Variants in ZNF532 observed in about 807,000 individuals in gnomAD.
The protein encoded by ZNF532 is zinc finger protein 532.
Under a neutral mutation model 89.3 loss-of-function variants are expected in ZNF532, and 22 were observed. The observed-to-expected ratio is 0.25, with a 90% CI of 0.18 to 0.35. ZNF532 has a LOEUF of 0.35. Ranked by LOEUF, ZNF532 falls within the 10% of genes least tolerant of loss-of-function variation. The pLI is 1.00. For synonymous variants in ZNF532, 606 were observed against 649.6 expected, an observed-to-expected ratio of 0.93 and a Z score of 1.02; for missense variants, 1,132 against 1,643.4, an observed-to-expected ratio of 0.69 and a Z score of 5.38.
intron 5 of ZNF532, among the ~76,000 whole-genome samples, chr18:58,940,731 C>G (rs1186416543): frequency 6.6e-6 from 1 of 152,140 alleles, no homozygotes; most frequent in Non-Finnish European, 1.5e-5. Flanking sequence ...TGTCTTCGCT[C>G]CCTCCTTGTG....
intron 2 of ZNF532, among the ~76,000 whole-genome samples, chr18:58,866,668 T>C (rs757656584): frequency 5.3e-5 from 8 of 152,194 alleles, no homozygotes; most frequent in Non-Finnish European, 1.0e-4. Context: ...GTGCCGAGGA[T>C]CTTGGAATTG....
chr18:58,918,214 A>T, intron 2 of ZNF532, 57 bp from the exon 3 acceptor site: 1 of 1,478,632 alleles, frequency 6.8e-7, no homozygotes, highest in Admixed American at 1.9e-5. Flanking sequence ...TAGGGGTTTT[A>T]TCTCATCGTG....
chr18:58,884,989 T>C (rs1568236121), intron 2 of ZNF532, among the ~76,000 whole-genome samples: 1 of 151,572 alleles, frequency 6.6e-6, no homozygotes, highest in Non-Finnish European at 1.5e-5. Flanking sequence ...GTTTTTTTTT[T>C]TTTTTCTTTT....
chr18:58,876,967 A>T (rs2057479057), intron 2 of ZNF532, among the ~76,000 whole-genome samples: 1 of 152,108 alleles, frequency 6.6e-6, no homozygotes, highest in South Asian at 2.1e-4. Flanking sequence ...GACTGAGGCA[A>T]GAGGATCACT....
chr18:58,880,768 G>GTGTGTGTGTGTGTGTGTGTGTGTA (rs1568227586), intron 2 of ZNF532, among the ~76,000 whole-genome samples: 1 of 145,306 alleles, frequency 6.9e-6, no homozygotes, highest in African/African-American at 2.7e-5. Context: ...GCGCACGCGC[G>GTGTGTGTGTGTGTGTGTGTGTGTA]CGCGTCTGTG....
chr18:58,983,954 G>C lies in ZNF532; in HGVS notation c.3412-18G>C. On this transcript the variant is annotated intron_variant, in intron 9 of 9. Transcript: ENST00000591808. ...AGGATGGTTTTCAGTCGTGTCATTT[G>C]CTTTCTTTCCCTGAAAGGTCCCCAG... is the stretch of plus-strand genomic sequence containing the variant. The C allele has an allele frequency of 1.9e-6, 3 of 1,592,760 alleles. No individual in the cohort carries two copies. The highest frequency in any genetic ancestry group is 2.6e-6 in the Non-Finnish European group (3 of 1,169,750).
intron 2 of ZNF532, among the ~76,000 whole-genome samples, chr18:58,897,247 C>CT (rs759929779): frequency 3.9e-5 from 6 of 152,246 alleles, no homozygotes; most frequent in Non-Finnish European, 7.3e-5. Flanking sequence ...AGTTTTGTAG[C>CT]TTTTTGGAAT....
chr18:58,952,150 T>C (rs1035203373), intron 6 of ZNF532, among the ~76,000 whole-genome samples: 1 of 152,202 alleles, frequency 6.6e-6, no homozygotes, highest in African/African-American at 2.4e-5. Flanking sequence ...AGGAATGGCT[T>C]CTTTCTTAAA....
At chr18:58,982,619 C>G (rs1348442364) in intron 9 of ZNF532, among the ~76,000 whole-genome samples, 3 of 151,786 alleles carry the variant, frequency 2.0e-5, no homozygotes, top group Non-Finnish European at 2.9e-5. Context: ...GAGACTCTGT[C>G]TCCACCCCCC....
At chr18:58,864,733 C>T (rs1338691957), upstream of ZNF532, 1 of 152,158 alleles carries the variant, frequency 6.6e-6, no homozygotes, top group African/African-American at 2.4e-5. Context: ...CCAGCGAGAT[C>T]CCCCCTGTGC....
At position 58,919,866 on chromosome 18, in the gene ZNF532, C is replaced by G. The variant is rs1568323200; in HGVS notation, c.1579C>G (p.Leu527Val). The G allele has an allele frequency of 6.2e-7, 1 of 1,614,030 alleles. No individual in the cohort carries two copies. The change falls in exon 3 of 10, where the codon CTT becomes GTT. Residue 527 changes from leucine to valine, a missense_variant. Coordinates refer to ENST00000591808, the MANE Select transcript of ZNF532 (RefSeq NM_001375912.1). The surrounding 1 kb of genome is among the most constrained non-coding windows in gnomAD (Gnocchi z 6.1). ...LVPKTVHLAN[L>V]NLLPQGAQAT... ...GCCAAAGACTGTGCACCTTGCCAAC[C>G]TTAACCTTTTGCCTCAGGGTGCCCA...
rs2060921445 is a variant in ZNF532, at chr18:58,920,168, T to C, written c.1881T>C (p.Leu627=). 1.2e-6 allele frequency: 2 copies of C among 1,613,744 alleles called. No individual in the cohort carries two copies. The highest frequency in any genetic ancestry group is 1.7e-6 in the Non-Finnish European group (2 of 1,179,802). ...KCLECGDSFA[L]EKSLTQHYDR... Reference sequence around the variant, plus strand: ...TGGAGTGTGGGGACTCCTTTGCACTTGAAAAGAGTCTGACCCAGCACTACG... The same window carrying C: ...TGGAGTGTGGGGACTCCTTTGCACTCGAAAAGAGTCTGACCCAGCACTACG... Residue 627 remains leucine (L), a synonymous_variant, in exon 3 of 10, where the codon CTT becomes CTC. Transcript: ENST00000591808.
At chr18:58,930,268 C>G (rs755390744) in intron 3 of ZNF532, among the ~76,000 whole-genome samples, 68 of 152,248 alleles carry the variant, frequency 4.5e-4, no homozygotes, top group African/African-American at 1.5e-3. Context: ...ACCTGGTTCC[C>G]CCTTCCCTGT....
intron 3 of ZNF532, 68 bp downstream of exon 3, chr18:58,920,701 C>A: frequency 7.3e-7 from 1 of 1,370,706 alleles, no homozygotes; most frequent in Non-Finnish European, 9.9e-7. Context: ...GATAAGATGC[C>A]CTTGATTTTA....
intron 6 of ZNF532, among the ~76,000 whole-genome samples, chr18:58,949,087 A>G (rs910237717): frequency 6.6e-6 from 1 of 151,380 alleles, no homozygotes; most frequent in Admixed American, 6.6e-5. Flanking sequence ...TATCTAGGAT[A>G]TAGTATGGTA....
chr18:58,936,338 TAGAA>T (rs1478556106), intron 4 of ZNF532, among the ~76,000 whole-genome samples: 4 of 152,258 alleles, frequency 2.6e-5, no homozygotes, highest in Admixed American at 2.0e-4. Flanking sequence ...TGTTTAATAA[TAGAA>T]AGCAGCTCTG....
At chr18:58,966,111 G>C (rs369704796) in intron 7 of ZNF532, among the ~76,000 whole-genome samples, 2 of 151,960 alleles carry the variant, frequency 1.3e-5, no homozygotes, top group Non-Finnish European at 2.9e-5. Context: ...ACTTACATAC[G>C]TTCCCTCCTA....
At chr18:58,946,733 G>A (rs1050031965) in intron 5 of ZNF532, among the ~76,000 whole-genome samples, 7 of 152,072 alleles carry the variant, frequency 4.6e-5, no homozygotes, top group East Asian at 3.9e-4. Context: ...GTACGGCCCC[G>A]AAAACCTTGT....
intron 4 of ZNF532, among the ~76,000 whole-genome samples, chr18:58,934,829 G>A (rs953026941): frequency 6.6e-6 from 1 of 151,978 alleles, no homozygotes; most frequent in Non-Finnish European, 1.5e-5. Flanking sequence ...GGGTCATGGG[G>A]CCTGTCCTTT....
Sources: gnomAD v4.1 joint callset for allele counts (sites outside exome capture counted in the v4.1 genomes callset) on GRCh38, gnomAD v4.1.1 for gene constraint, Gnocchi (gnomAD v3.1) non-coding constraint, MANE v1.5 for transcripts, NCBI Gene and HGNC (gene_info 2026-07-23, HGNC 2026-07-21) for gene names.